Variants in PLCH2 observed in about 807,000 individuals in gnomAD.
PLCH2 encodes phospholipase C eta 2, also known as 1-phosphatidylinositol 4,5-bisphosphate phosphodiesterase eta-2.
PLCH2 carries 98 observed loss-of-function variants against 134.7 expected under a neutral mutation model. The ratio of observed to expected loss-of-function variants is 0.73; its 90% CI spans 0.62 to 0.86. The LOEUF (loss-of-function observed/expected upper bound fraction) is 0.86, where lower values mean the gene tolerates loss of function less well. Ranked by LOEUF, PLCH2 falls within the 40% of genes least tolerant of loss-of-function variation. PLCH2 has a pLI of 0.00. For synonymous variants in PLCH2, 974 were observed against 827.5 expected (o/e 1.18, Z -3.04); for missense variants, 1,994 against 1,986.6 (o/e 1.00, Z -0.07).
chr1:2,474,647 G>A (rs142307201), upstream of PLCH2, among the ~76,000 whole-genome samples: 49 of 152,294 alleles, frequency 3.2e-4, no homozygotes, highest in East Asian at 8.3e-3. Flanking sequence ...GCCCAGCCTT[G>A]GGGAGCTTCA....
At chr1:2,452,495 G>A (rs753685549) in intron 2 of PLCH2, among the ~76,000 whole-genome samples, 1 of 152,184 alleles carries the variant, frequency 6.6e-6, no homozygotes, top group Non-Finnish European at 1.5e-5. Context: ...TCTGGCCTTT[G>A]GGAGCGGCCA....
chr1:2,426,583 G>A (rs1320783906), intron 1 of PLCH2, among the ~76,000 whole-genome samples: 1 of 152,216 alleles, frequency 6.6e-6, no homozygotes, highest in Non-Finnish European at 1.5e-5. Flanking sequence ...GGCCCCTCGC[G>A]GTCTTCCCTT....
chr1:2,444,972 C>T lies in PLCH2; in HGVS notation c.115+14343C>T, dbSNP rs991273052. Among the ~76,000 whole-genome samples the T allele has an allele frequency of 6.6e-6, 1 of 151,984 alleles. No individual in the cohort carries two copies. Among genetic ancestry groups the T allele is most frequent in the Non-Finnish European group, 1.5e-5 (1 of 67,974 alleles). On this transcript the variant is annotated intron_variant, in intron 2 of 3. Transcript: ENST00000609981. This position sits in a 1 kb window ranked among gnomAD's most constrained non-coding sequence, Gnocchi z 4.6. Reference sequence around the variant, plus strand: ...AGGGGATTCAGGCACCATGGGAGGCCGGGGAGGGGCAAGTCAGAGGGCGGA... The same window carrying T: ...AGGGGATTCAGGCACCATGGGAGGCTGGGGAGGGGCAAGTCAGAGGGCGGA...
chr1:2,436,435 TCCTCCCTTCCTCCCTTCCTCCCTC>T, intron 2 of PLCH2, among the ~76,000 whole-genome samples: 1 of 31,198 alleles, frequency 3.2e-5, no homozygotes, highest in African/African-American at 2.7e-4. Context: ...CCTTTCTCCC[TCCTCCCTTCCTCCCTTCCTCCCTC>T]CACCTTTCCT....
intron 11 of PLCH2, chr1:2,493,075 C>T (rs1177257196): frequency 6.6e-6 from 1 of 152,226 alleles, no homozygotes; most frequent in Non-Finnish European, 1.5e-5. Context: ...GGCTGAGACC[C>T]TCCACCACCA....
At chr1:2,502,040 C>G in intron 20 of PLCH2, 72 bp from the exon 21 acceptor site, 1 of 1,328,602 alleles carries the variant, frequency 7.5e-7, no homozygotes, top group Non-Finnish European at 9.9e-7. Context: ...GTCTGGAGAG[C>G]TGGCCCTGGG....
chr1:2,498,717 G>T lies in PLCH2; in HGVS notation c.2350-27G>T. ...CGGGCCGGGCATCGCGATGGGCCCT[G>T]ATGCCACCCCCACTCCTGTGTCCCA... On this transcript the variant is annotated intron_variant, in intron 17 of 21. Coordinates refer to ENST00000378486, the MANE Select transcript of PLCH2 (RefSeq NM_014638.4). This position sits in a 1 kb window ranked among gnomAD's most constrained non-coding sequence, Gnocchi z 5.4. 6.3e-7 allele frequency: 1 copy of T among 1,590,606 alleles called. No homozygotes were observed. The highest frequency in any genetic ancestry group is 8.6e-7 in the Non-Finnish European group (1 of 1,167,280).
In PLCH2 at chr1:2,480,266, A is replaced by G; in HGVS notation, c.599A>G (p.Lys200Arg). ...SIGEVLQLLH[K>R]LNVNLPRQRV... Reference sequence around the variant, plus strand: ...GGCGAGGTCCTGCAGCTGCTGCACAAGCTCAACGTGAACCTGCCCCGGCAG... The same window carrying G: ...GGCGAGGTCCTGCAGCTGCTGCACAGGCTCAACGTGAACCTGCCCCGGCAG... The change falls in exon 4 of 22, where the codon AAG (lysine) becomes AGG (arginine). Residue 200 changes from lysine to arginine, a missense_variant. By Grantham distance (26) the Lys-to-Arg change is conservative. This residue lies in a region of PLCH2 where 1,094 missense variants were observed against 1,234.3 expected (regional missense o/e 0.89). Transcript: ENST00000378486. 6.2e-7 allele frequency: 1 copy of G among 1,612,744 alleles called. No individual in the cohort carries two copies. The highest frequency in any genetic ancestry group is 8.5e-7 in the Non-Finnish European group (1 of 1,179,826).
chr1:2,502,716 G>A lies in PLCH2; in HGVS notation c.2959+307G>A, dbSNP rs1284564839. ...GAGGCCCCCAAGGGTCCTGGGGCCT[G>A]GAGGCAGGGTCCAGGCGGTAGCGGC... On this transcript the variant is annotated intron_variant, in intron 21 of 21. Coordinates refer to ENST00000378486, the MANE Select transcript of PLCH2 (RefSeq NM_014638.4). The A allele has an allele frequency of 8.4e-6, 6 of 714,502 alleles. No individual in the cohort carries two copies. The Admixed American group carries it at 1.2e-4, about 14-fold the overall frequency. The allele number at this position is 714,502 out of a possible 1,614,324, so 44.3% of individuals were successfully genotyped here.
intron 2 of PLCH2, 113 bp from the exon 3 acceptor site, chr1:2,479,621 C>T (rs1005456124): frequency 3.5e-5 from 41 of 1,169,262 alleles, no homozygotes; most frequent in African/African-American, 4.6e-5. Flanking sequence ...CCGAGGGTCC[C>T]GCAAAGGTGG....
chr1:2,426,803 C>A (rs965503168), intron 1 of PLCH2, among the ~76,000 whole-genome samples: 4 of 152,218 alleles, frequency 2.6e-5, no homozygotes, highest in African/African-American at 9.6e-5. Flanking sequence ...TGCGGCCAGG[C>A]CAGCAGGTGG....
the PLCH2 span, among the ~76,000 whole-genome samples, chr1:2,419,734 G>A: frequency 6.6e-6 from 1 of 152,132 alleles, no homozygotes; most frequent in Admixed American, 6.5e-5. Context: ...TCTGGTGGAG[G>A]TGGTGACATG....
At chr1:2,501,993 C>T (rs539782461) in intron 20 of PLCH2, 119 bp from the exon 21 acceptor site, 1 of 945,358 alleles carries the variant, frequency 1.1e-6, no homozygotes, top group East Asian at 3.0e-5. Context: ...TGGCCCAGCC[C>T]CTCGGACCGA....
At chr1:2,499,782 T>G in intron 20 of PLCH2, 62 bp downstream of exon 20, 1 of 1,282,190 alleles carries the variant, frequency 7.8e-7, no homozygotes, top group Non-Finnish European at 1.1e-6. Flanking sequence ...CCTTGTCCCA[T>G]GCCCCCCCAT....
chr1:2,481,779 C>T (rs1211587909), intron 4 of PLCH2, among the ~76,000 whole-genome samples: 7 of 152,208 alleles, frequency 4.6e-5, no homozygotes, highest in Non-Finnish European at 8.8e-5. Context: ...CAGCTGGAGA[C>T]GGCCCCAGTT....
At chr1:2,480,391 A>G (rs994443510) in intron 4 of PLCH2, 79 bp downstream of exon 4, 2 of 1,500,972 alleles carry the variant, frequency 1.3e-6, no homozygotes, top group Admixed American at 3.7e-5. Flanking sequence ...GGAGCCTGCC[A>G]GCCCTGACTG....
rs1034362346 is a variant in PLCH2, at chr1:2,443,067, C to T, written c.115+12438C>T. On this transcript the variant is annotated intron_variant, in intron 2 of 3. Transcript: ENST00000609981. ...AGTGGAAGAGTTGACTGGTGTGGGG[C>T]TAGGGACCTGCCCAGGGGAATGGTC... Among the ~76,000 whole-genome samples the T allele has an allele frequency of 5.3e-5, 8 of 152,186 alleles. 1 individual carries two copies. Among genetic ancestry groups the T allele is most frequent in the Admixed American group, 4.6e-4 (7 of 15,276 alleles).
chr1:2,490,303 C>T (rs2100693499), intron 10 of PLCH2, among the ~76,000 whole-genome samples: 1 of 152,318 alleles, frequency 6.6e-6, no homozygotes, highest in East Asian at 1.9e-4. Context: ...TAGTACTGCC[C>T]AGCCACCCCC....
intron 2 of PLCH2, among the ~76,000 whole-genome samples, chr1:2,452,209 GC>G (rs1486260425): frequency 6.6e-6 from 1 of 152,210 alleles, no homozygotes; most frequent in African/African-American, 2.4e-5. Context: ...GTGCAGCTGG[GC>G]CGCACGACCC....
Sources: allele counts gnomAD v4.1 joint callset (sites outside exome capture counted in the v4.1 genomes callset), GRCh38; gene constraint gnomAD v4.1.1; regional missense constraint gnomAD v4.1.1; non-coding constraint Gnocchi (gnomAD v3.1); transcripts MANE v1.5; gene names NCBI Gene and HGNC (gene_info 2026-07-23, HGNC 2026-07-21).